TUBAL3: variants seen among roughly 807,000 people sequenced by gnomAD.
The protein encoded by TUBAL3 is tubulin alpha chain-like 3.
TUBAL3 carries 16 observed loss-of-function variants against 15.5 expected under a neutral mutation model. That is an observed-to-expected ratio of 1.04 (90% CI 0.70 to 1.57). The LOEUF (loss-of-function observed/expected upper bound fraction) is 1.57. Ranked by LOEUF, TUBAL3 falls within the 40% of genes most tolerant of loss-of-function variation. TUBAL3 has a pLI of 0.00. For synonymous variants in TUBAL3, 238 were observed against 224.3 expected, an observed-to-expected ratio of 1.06 and a Z score of -0.55; for missense variants, 609 against 576.2, an observed-to-expected ratio of 1.06 and a Z score of -0.58.
intron 2 of TUBAL3, among the ~76,000 whole-genome samples, chr10:5,398,687 G>GC (rs2119144170): frequency 6.6e-6 from 1 of 152,274 alleles, no homozygotes; most frequent in East Asian, 1.9e-4. Context: ...CCATCCCGCA[G>GC]CCCAGGATGG....
At position 5,396,191 on chromosome 10, in the gene TUBAL3, G is replaced by C. The variant is rs113710649; in HGVS notation, c.248-716C>G. Among the ~76,000 whole-genome samples, 3 of 152,078 alleles carry C rather than the reference G, an allele frequency of 2.0e-5. No individual in the cohort carries two copies. The highest frequency in any genetic ancestry group is 7.2e-5 in the African/African-American group (3 of 41,396). On this transcript the variant is annotated intron_variant, in intron 2 of 3. Coordinates refer to ENST00000380419, the MANE Select transcript of TUBAL3 (RefSeq NM_024803.3). The surrounding 1 kb of genome is among the most constrained non-coding windows in gnomAD (Gnocchi z 5.1). ...ACAAGTATTTTTATCTACAAATTGC[G>C]AACTGTGTGCTGGAAAGGCACACAG...
At chr10:5,402,474 T>G (rs1343578289) in intron 1 of TUBAL3, among the ~76,000 whole-genome samples, 1 of 152,224 alleles carries the variant, frequency 6.6e-6, no homozygotes, top group Non-Finnish European at 1.5e-5. Flanking sequence ...TTTGACCAGA[T>G]AAGCTGAGGG....
chr10:5,401,764 A>C (rs1554814661), intron 1 of TUBAL3, among the ~76,000 whole-genome samples: 1 of 152,126 alleles, frequency 6.6e-6, no homozygotes, highest in Non-Finnish European at 1.5e-5. Flanking sequence ...AAAAACACTT[A>C]AGACATCCAC....
rs1407902587 is a variant in TUBAL3 at position 5,393,415 on chromosome 10, A to C, written c.*102T>G. On this transcript the variant is annotated 3_prime_UTR_variant, in exon 4 of 4. Coordinates refer to ENST00000380419, the MANE Select transcript of TUBAL3 (RefSeq NM_024803.3). ...CTAGAGTCTTGCCTGATTTGAGTTC[A>C]TTTTTCTGCTCATCAGGGGAACTAC... is the stretch of plus-strand genomic sequence containing the variant. 3 of 1,067,430 alleles carry C rather than the reference A, an allele frequency of 2.8e-6. No homozygotes were observed. The highest frequency in any genetic ancestry group is 4.0e-6 in the Non-Finnish European group (3 of 750,402). The allele number at this position is 1,067,430 out of a possible 1,614,324, so 66.1% of individuals were successfully genotyped here.
chr10:5,398,373 T>C (rs1320408065), intron 2 of TUBAL3, among the ~76,000 whole-genome samples: 1 of 136,198 alleles, frequency 7.3e-6, no homozygotes, highest in Non-Finnish European at 1.5e-5. Flanking sequence ...TGAGCAGCGA[T>C]AGTGCCATTG....
rs782620170 is a variant in TUBAL3 at position 5,395,270 on chromosome 10, G to A, written c.396+57C>T. 2.1e-5 allele frequency: 30 copies of A among 1,400,112 alleles called. No homozygotes were observed. The highest frequency in any genetic ancestry group is 2.0e-4 in the Middle Eastern group (1 of 5,072). The allele number at this position is 1,400,112 out of a possible 1,614,324, so 86.7% of individuals were successfully genotyped here. A position where few individuals can be genotyped will look rare whatever the true frequency, so the allele number is the denominator to read the frequency against. On this transcript the variant is annotated intron_variant, in intron 3 of 3. Coordinates refer to ENST00000380419, the MANE Select transcript of TUBAL3 (RefSeq NM_024803.3). The surrounding 1 kb of genome is among the most constrained non-coding windows in gnomAD (Gnocchi z 4.6). ...GCAGATAATGCTTGTGAGTTCTGCC[G>A]CAGGACCCCACATGCCCCAGGCACA...
At position 5,393,653 on chromosome 10, in the gene TUBAL3, A is replaced by T. The variant is rs781809278; in HGVS notation, c.1205T>A (p.Phe402Tyr). ...VEAWARLDHK[F>Y]DLMYAKRAFL... The stretch of plus-strand genomic sequence containing the variant: ...TGCTCTCTTGGCGTACATGAGGTCA[A>T]ACTTGTGGTCCAGGCGGGCCCAGGC... Residue 402 changes from phenylalanine to tyrosine, a missense_variant, in exon 4 of 4, where the codon TTT becomes TAT. Transcript: ENST00000380419. 1.2e-6 allele frequency: 2 copies of T among 1,614,090 alleles called. No homozygotes were observed. The highest frequency in any genetic ancestry group is 1.7e-6 in the Non-Finnish European group (2 of 1,180,012).
In TUBAL3 at chr10:5,395,515, G is replaced by A; in HGVS notation, c.248-40C>T. ...AGGAGGTCAGTGCAACTCACCCAGTGCAATTCAGCCGTCCACCTGCTGCTA... is the reference window on the plus strand; with the variant it reads ...AGGAGGTCAGTGCAACTCACCCAGTACAATTCAGCCGTCCACCTGCTGCTA... On this transcript the variant is annotated intron_variant, in intron 2 of 3. Transcript: ENST00000380419. The surrounding 1 kb of genome is among the most constrained non-coding windows in gnomAD (Gnocchi z 4.6). The A allele has an allele frequency of 7.2e-7, 1 of 1,392,106 alleles. No homozygotes were observed. The highest frequency in any genetic ancestry group is 9.5e-7 in the Non-Finnish European group (1 of 1,057,690). The allele number at this position is 1,392,106 out of a possible 1,614,324, so 86.2% of individuals were successfully genotyped here. A position where few individuals can be genotyped will look rare whatever the true frequency, so the allele number is the denominator to read the frequency against.
chr10:5,396,459 C>T lies in TUBAL3; in HGVS notation c.248-984G>A, dbSNP rs549623271. Among the ~76,000 whole-genome samples the T allele has an allele frequency of 6.6e-5, 10 of 152,014 alleles. No individual in the cohort carries two copies. In the South Asian group the frequency reaches 8.3e-4, roughly 13 times the overall value. ...AGGAGGTTGCAGTGAGTGGAGATCA[C>T]GCCATCGCACTCCAGCCTGGGCAAC... On this transcript the variant is annotated intron_variant, in intron 2 of 3. Transcript: ENST00000380419. This position sits in a 1 kb window ranked among gnomAD's most constrained non-coding sequence, Gnocchi z 5.1.
In TUBAL3 at chr10:5,397,233, G is replaced by A. The variant is rs1214944243; in HGVS notation, c.248-1758C>T. On this transcript the variant is annotated intron_variant, in intron 2 of 3. Transcript: ENST00000380419. This position sits in a 1 kb window ranked among gnomAD's most constrained non-coding sequence, Gnocchi z 4.9. Reference sequence around the variant, plus strand: ...TGTTTTTCAATTCACCGTGCCTTCCGTGCGTGACCATGAATTTCTAAACTC... The same window carrying A: ...TGTTTTTCAATTCACCGTGCCTTCCATGCGTGACCATGAATTTCTAAACTC... Among the ~76,000 whole-genome samples the A allele has an allele frequency of 2.0e-5, 3 of 152,148 alleles. No individual in the cohort carries two copies. The highest frequency in any genetic ancestry group is 4.4e-5 in the Non-Finnish European group (3 of 68,024).
At chr10:5,404,712 A>C (rs1831904033) in intron 1 of TUBAL3, 78 bp downstream of exon 1, 1 of 1,422,612 alleles carries the variant, frequency 7.0e-7, no homozygotes. Flanking sequence ...TTTTATTAAG[A>C]ATTGTTTGCT....
At chr10:5,401,165 C>A in intron 1 of TUBAL3, 78 bp from the exon 2 acceptor site, 1 of 1,560,348 alleles carries the variant, frequency 6.4e-7, no homozygotes, top group Non-Finnish European at 8.7e-7. Flanking sequence ...CTTCTGGTTA[C>A]AAATGACAGA....
Position 5,404,732 on chromosome 10 carries a change from G to A in TUBAL3, c.3+58C>T, listed in dbSNP as rs1318711451. 7 of 1,585,046 alleles carry A rather than the reference G, an allele frequency of 4.4e-6. No individual in the cohort carries two copies. In the African/African-American group the frequency reaches 8.1e-5, roughly 18 times the overall value. On this transcript the variant is annotated intron_variant, in intron 1 of 3. Transcript: ENST00000380419. The stretch of plus-strand genomic sequence containing the variant: ...TTAAGAATTGTTTGCTGTGGGAAAA[G>A]GGCCAAATATGATTAGTAAAATTTC...
chr10:5,404,072 GTC>G (rs782111383), intron 1 of TUBAL3, among the ~76,000 whole-genome samples: 1 of 152,198 alleles, frequency 6.6e-6, no homozygotes, highest in Non-Finnish European at 1.5e-5. Flanking sequence ...ATTATCACAA[GTC>G]TCTCTCATGT....
Position 5,394,056 on chromosome 10 carries a change from G to T in TUBAL3, c.802C>A (p.Pro268Thr), listed in dbSNP as rs1423800470. The T allele has an allele frequency of 1.4e-5, 23 of 1,614,100 alleles. No individual in the cohort carries two copies. In the Admixed American group the frequency reaches 1.7e-4, roughly 12 times the overall value. The change falls in exon 4 of 4, where the codon CCT becomes ACT. Residue 268 changes from proline (P) to threonine (T), a missense_variant. Transcript: ENST00000380419. The surrounding 1 kb of genome is among the most constrained non-coding windows in gnomAD (Gnocchi z 4.3). Reference protein sequence around the residue: ...DLIEFQTNLVPYPRIHFPMTA... With the variant: ...DLIEFQTNLVTYPRIHFPMTA... ...ATGGGGAAATGTATTCTCGGATAAGGTACCAGGTTGGTCTGGAATTCAATT... is the reference window on the plus strand; with the variant it reads ...ATGGGGAAATGTATTCTCGGATAAGTTACCAGGTTGGTCTGGAATTCAATT...
chr10:5,401,193 GC>G, intron 1 of TUBAL3, 106 bp from the exon 2 acceptor site: 3 of 1,378,658 alleles, frequency 2.2e-6, no homozygotes, highest in Non-Finnish European at 2.0e-6. Context: ...CTAGCTTAAG[GC>G]CACGGAGGAA....
Position 5,396,833 on chromosome 10 carries a change from G to A in TUBAL3, c.248-1358C>T, listed in dbSNP as rs894284668. Among the ~76,000 whole-genome samples the A allele has an allele frequency of 2.0e-4, 30 of 152,266 alleles. No homozygotes were observed. The highest frequency in any genetic ancestry group is 6.7e-4 in the African/African-American group (28 of 41,534). On this transcript the variant is annotated intron_variant, in intron 2 of 3. Coordinates refer to ENST00000380419, the MANE Select transcript of TUBAL3 (RefSeq NM_024803.3). This position sits in a 1 kb window ranked among gnomAD's most constrained non-coding sequence, Gnocchi z 5.1. ...TTCAGGGCTAAGTAGGCTTTGGGAC[G>A]GCTGCCCTGGTTACTGTGGGATACT... is the stretch of plus-strand genomic sequence containing the variant.
In TUBAL3 at chr10:5,401,008, T is replaced by C. The variant is rs1261479406; in HGVS notation, c.83A>G (p.His28Arg). The change falls in exon 2 of 4, where the codon CAT becomes CGT. Residue 28 changes from histidine (H) to arginine (R), a missense_variant. Coordinates refer to ENST00000380419, the MANE Select transcript of TUBAL3 (RefSeq NM_024803.3). The stretch of plus-strand genomic sequence containing the variant: ...AACAACGCCATTTGGCTGGATTCCA[T>C]GTTCCAGGCAATAGAGTTCCCAGCA... ...DACWELYCLE[H>R]GIQPNGVVLD... is the part of the protein sequence containing the mutation. The C allele has an allele frequency of 3.1e-6, 5 of 1,614,118 alleles. No individual in the cohort carries two copies. The Admixed American group carries it at 5.0e-5, about 16-fold the overall frequency.
chr10:5,395,535 CT>C lies in TUBAL3; in HGVS notation c.248-61del. The C allele has an allele frequency of 1.5e-6, 2 of 1,358,368 alleles. No homozygotes were observed. Among genetic ancestry groups the C allele is most frequent in the Non-Finnish European group, 1.9e-6 (2 of 1,040,674 alleles). 84.1% of individuals were successfully genotyped at this position (1,358,368 alleles called of 1,614,324 possible). A position where few individuals can be genotyped will look rare whatever the true frequency, so the allele number is the denominator to read the frequency against. On this transcript the variant is annotated intron_variant, in intron 2 of 3. Coordinates refer to ENST00000380419, the MANE Select transcript of TUBAL3 (RefSeq NM_024803.3). The surrounding 1 kb of genome is among the most constrained non-coding windows in gnomAD (Gnocchi z 4.6). Reference sequence around the variant, plus strand: ...CCAGTGCAATTCAGCCGTCCACCTGCTGCTAGTCCTCCTGGAGCCTCCCCGT... The same window carrying C: ...CCAGTGCAATTCAGCCGTCCACCTGCGCTAGTCCTCCTGGAGCCTCCCCGT...
Sources: gnomAD v4.1 joint callset for allele counts (sites outside exome capture counted in the v4.1 genomes callset) on GRCh38, gnomAD v4.1.1 for gene constraint, Gnocchi (gnomAD v3.1) non-coding constraint, MANE v1.5 for transcripts, NCBI Gene and HGNC (gene_info 2026-07-23, HGNC 2026-07-21) for gene names.